DGKB: variants seen among roughly 807,000 people sequenced by gnomAD.
DGKB encodes 90 kDa diacylglycerol kinase.
Under a neutral mutation model 114.3 loss-of-function variants are expected in DGKB, and 67 were observed. The observed-to-expected ratio is 0.59, with a 90% CI of 0.48 to 0.72. DGKB has a LOEUF of 0.72. DGKB is among the 30% of genes least tolerant of loss of function. DGKB has a pLI of 0.00. For synonymous variants in DGKB, 398 were observed against 323.1 expected (o/e 1.23, Z -2.49); for missense variants, 907 against 975.2 (o/e 0.93, Z 0.93).
chr7:14,756,720 A>G (rs1019431139), intron 3 of DGKB, among the ~76,000 whole-genome samples: 42 of 151,942 alleles, frequency 2.8e-4, no homozygotes, highest in African/African-American at 1.0e-3. Flanking sequence ...AAAGATAACT[A>G]AGAAGTGTGC....
intron 25 of DGKB, among the ~76,000 whole-genome samples, chr7:14,164,020 A>G (rs896325190): frequency 4.7e-4 from 71 of 152,130 alleles, no homozygotes; most frequent in African/African-American, 1.6e-3. Flanking sequence ...AACAAAAAAA[A>G]AAACAAAATA....
chr7:14,467,717 T>G (rs1780680582), intron 21 of DGKB, among the ~76,000 whole-genome samples: 1 of 152,194 alleles, frequency 6.6e-6, no homozygotes, highest in Non-Finnish European at 1.5e-5. Context: ...AGAATTAACT[T>G]TGTTCAGTCA....
intron 1 of DGKB, among the ~76,000 whole-genome samples, chr7:14,931,378 G>A (rs569297046): frequency 6.6e-6 from 1 of 152,254 alleles, no homozygotes; most frequent in East Asian, 1.9e-4. Context: ...CCAAAGTGCT[G>A]GGATTACAGG....
At chr7:14,589,868 G>T (rs1360853472) in intron 17 of DGKB, among the ~76,000 whole-genome samples, 2 of 151,694 alleles carry the variant, frequency 1.3e-5, no homozygotes, top group East Asian at 3.9e-4. Context: ...TACCACTTTT[G>T]TCTACTTTTT....
At chr7:14,724,986 A>T (rs1336180667) in intron 5 of DGKB, among the ~76,000 whole-genome samples, 1 of 152,170 alleles carries the variant, frequency 6.6e-6, no homozygotes, top group Non-Finnish European at 1.5e-5. Context: ...CCTGGGCAAA[A>T]TAGGGAAACT....
intron 1 of DGKB, among the ~76,000 whole-genome samples, chr7:14,861,024 G>A (rs957635009): frequency 1.1e-4 from 16 of 152,016 alleles, no homozygotes; most frequent in African/African-American, 3.9e-4. Context: ...TAGCAGTGAT[G>A]TAAGAGATCA....
At chr7:14,837,942 G>A (rs1847381791) in intron 2 of DGKB, among the ~76,000 whole-genome samples, 1 of 152,062 alleles carries the variant, frequency 6.6e-6, no homozygotes, top group Non-Finnish European at 1.5e-5. Flanking sequence ...AATAATCATG[G>A]AATTGGCACT....
At chr7:14,195,765 G>C (rs1432326534) in intron 23 of DGKB, among the ~76,000 whole-genome samples, 1 of 152,098 alleles carries the variant, frequency 6.6e-6, no homozygotes. Flanking sequence ...AATAAGGACA[G>C]AACATGATGA....
intron 13 of DGKB, among the ~76,000 whole-genome samples, chr7:14,671,881 G>A (rs1022772792): frequency 6.6e-6 from 1 of 151,842 alleles, no homozygotes; most frequent in African/African-American, 2.4e-5. Flanking sequence ...TTTTTATATG[G>A]CTCTCATTTT....
chr7:14,606,599 T>A (rs116682630), intron 17 of DGKB, among the ~76,000 whole-genome samples: 4,570 of 148,586 alleles, frequency 0.031, 132 homozygotes, highest in African/African-American at 0.07. Context: ...GCCTTTTTTT[T>A]AAAAAAAAAA....
rs564301343 is a variant in DGKB at position 14,515,370 on chromosome 7, G to GA, written c.1771-37146dup. Among the ~76,000 whole-genome samples, 41 of 152,234 alleles carry GA rather than the reference G, an allele frequency of 2.7e-4. No homozygotes were observed. In the East Asian group the frequency reaches 7.7e-3, roughly 29 times the overall value. The stretch of plus-strand genomic sequence containing the variant: ...ACTGTATTTGAGATCTCATAATAAG[G>GA]AAAAAAGTTGTTTGCATTGAGATGG... On this transcript the variant is annotated intron_variant, in intron 20 of 25. Transcript: ENST00000402815.
At chr7:14,368,573 C>CTCTGTGTGTG (rs10649333) in intron 21 of DGKB, among the ~76,000 whole-genome samples, 61 of 148,726 alleles carry the variant, frequency 4.1e-4, no homozygotes, top group African/African-American at 1.4e-3. Context: ...GGTATTTTCT[C>CTCTGTGTGTG]TGTGTGTGTG....
At position 14,203,107 on chromosome 7, in the gene DGKB, A is replaced by G. The variant is rs76349865; in HGVS notation, c.2123-24956T>C. ...AATGTGTGCAACGTGAAAAAAAATC[A>G]ACAGATGTGCGAATAATCTCTACTT... On this transcript the variant is annotated intron_variant, in intron 23 of 25. Coordinates refer to ENST00000402815, the MANE Select transcript of DGKB (RefSeq NM_001350709.2). Among the ~76,000 whole-genome samples, 1,166 of 147,774 alleles carry G rather than the reference A, an allele frequency of 7.9e-3. 17 individuals are homozygous for G. The highest frequency in any genetic ancestry group is 0.028 in the African/African-American group (1,115 of 39,264).
At chr7:14,889,258 A>G (rs1472773914) in intron 1 of DGKB, among the ~76,000 whole-genome samples, 1 of 151,644 alleles carries the variant, frequency 6.6e-6, no homozygotes, top group Non-Finnish European at 1.5e-5. Flanking sequence ...GCATATCCAA[A>G]GTTCAGCTCT....
At chr7:14,630,630 T>C (rs1207694238) in intron 13 of DGKB, among the ~76,000 whole-genome samples, 1 of 152,050 alleles carries the variant, frequency 6.6e-6, no homozygotes, top group African/African-American at 2.4e-5. Flanking sequence ...ATTTTCATTT[T>C]GAAGTCCAAC....
intron 13 of DGKB, among the ~76,000 whole-genome samples, chr7:14,649,655 T>C (rs1296909897): frequency 2.7e-5 from 4 of 148,394 alleles, no homozygotes; most frequent in African/African-American, 1.0e-4. Flanking sequence ...CTATTAACTT[T>C]AAATGTAAAT....
Position 14,395,296 on chromosome 7 carries a change from C to T in DGKB, c.1836-49905G>A, listed in dbSNP as rs1046909686. ...TATTTTGACTAGTATCTCTTACTCT[C>T]ACCCTACCTTTTGCTGTTTTTCTTG... On this transcript the variant is annotated intron_variant, in intron 21 of 25. Transcript: ENST00000402815. Among the ~76,000 whole-genome samples, 11 of 152,156 alleles carry T rather than the reference C, an allele frequency of 7.2e-5. No individual in the cohort carries two copies. In the South Asian group the frequency reaches 1.2e-3, roughly 17 times the overall value.
chr7:14,433,945 T>C (rs1453512786), intron 21 of DGKB, among the ~76,000 whole-genome samples: 1 of 152,184 alleles, frequency 6.6e-6, no homozygotes, highest in Non-Finnish European at 1.5e-5. Flanking sequence ...AACAAAGTCT[T>C]GACTGTATTT....
intron 2 of DGKB, among the ~76,000 whole-genome samples, chr7:14,780,333 G>C (rs964982808): frequency 6.6e-6 from 1 of 152,096 alleles, no homozygotes; most frequent in African/African-American, 2.4e-5. Flanking sequence ...CTGTGCTTTA[G>C]CATCTTCGCC....
Sources: allele counts gnomAD v4.1 joint callset (sites outside exome capture counted in the v4.1 genomes callset), GRCh38; gene constraint gnomAD v4.1.1; transcripts MANE v1.5; gene names NCBI Gene and HGNC (gene_info 2026-07-23, HGNC 2026-07-21).